CLIP2: variants seen among roughly 807,000 people sequenced by gnomAD.
The protein encoded by CLIP2 is CAP-Gly domain containing linker protein 2.
CLIP2 carries 41 observed loss-of-function variants against 111.7 expected under a neutral mutation model. The observed-to-expected ratio is 0.37, with a 90% CI of 0.29 to 0.48. The LOEUF (loss-of-function observed/expected upper bound fraction) is 0.48. Ranked by LOEUF, CLIP2 falls within the 20% of genes least tolerant of loss-of-function variation. CLIP2 has a pLI of 0.99. For synonymous variants in CLIP2, 660 were observed against 644.2 expected (o/e 1.02, Z -0.37); for missense variants, 1,160 against 1,422.1 (o/e 0.82, Z 2.96).
intron 16 of CLIP2, among the ~76,000 whole-genome samples, chr7:74,403,222 A>C (rs1791670231): frequency 6.6e-6 from 1 of 151,238 alleles, no homozygotes; most frequent in African/African-American, 2.4e-5. Flanking sequence ...CTCAAAAAAA[A>C]AAAAAAAAAA....
intron 1 of CLIP2, among the ~76,000 whole-genome samples, chr7:74,303,601 T>TA (rs1304353735): frequency 2.0e-5 from 3 of 150,852 alleles, no homozygotes; most frequent in Admixed American, 2.0e-4. Flanking sequence ...CTTATTTTTT[T>TA]TTTTTTTTTT....
intron 13 of CLIP2, among the ~76,000 whole-genome samples, chr7:74,391,336 A>G (rs1429851268): frequency 6.6e-6 from 1 of 152,198 alleles, no homozygotes; most frequent in African/African-American, 2.4e-5. Flanking sequence ...TATTCTGAAG[A>G]GAAGTAATGA....
intron 3 of CLIP2, among the ~76,000 whole-genome samples, chr7:74,344,050 T>G (rs1159947297): frequency 6.6e-6 from 1 of 152,170 alleles, no homozygotes; most frequent in Non-Finnish European, 1.5e-5. Context: ...GTGGAGGCTC[T>G]GGGGGTTACT....
At chr7:74,334,397 T>A (rs1789389313) in intron 2 of CLIP2, among the ~76,000 whole-genome samples, 1 of 149,636 alleles carries the variant, frequency 6.7e-6, no homozygotes, top group African/African-American at 2.5e-5. Flanking sequence ...GGGGAGGGAG[T>A]CGGGGAGAGA....
At chr7:74,388,256 C>A (rs1045917713) in intron 12 of CLIP2, among the ~76,000 whole-genome samples, 1 of 151,786 alleles carries the variant, frequency 6.6e-6, no homozygotes, top group Non-Finnish European at 1.5e-5. Context: ...CACTTGAACC[C>A]GGGAGGTAGA....
intron 8 of CLIP2, among the ~76,000 whole-genome samples, chr7:74,372,260 G>A (rs908050922): frequency 1.6e-4 from 25 of 152,214 alleles, no homozygotes; most frequent in African/African-American, 5.3e-4. Flanking sequence ...GGTCCGGTGG[G>A]GTGGGCAGCA....
chr7:74,377,775 C>A (rs901919503), intron 10 of CLIP2, among the ~76,000 whole-genome samples: 4 of 152,080 alleles, frequency 2.6e-5, no homozygotes, highest in Non-Finnish European at 4.4e-5. Context: ...CGGACTCTTG[C>A]CTGTATACAA....
chr7:74,376,867 G>A lies in CLIP2; in HGVS notation c.2421+45G>A. 6.8e-7 allele frequency: 1 copy of A among 1,481,342 alleles called. No homozygotes were observed. Among genetic ancestry groups the A allele is most frequent in the Non-Finnish European group, 9.0e-7 (1 of 1,113,362 alleles). 91.8% of individuals were successfully genotyped at this position (1,481,342 alleles called of 1,614,324 possible). A position where few individuals can be genotyped will look rare whatever the true frequency, so the allele number is the denominator to read the frequency against. ...GCTGGGGCGGGAGGGTCGGGCTGGG[G>A]AGGGCTTGGCCTTTTGCTGACCTCT... On this transcript the variant is annotated intron_variant, in intron 10 of 16. Coordinates refer to ENST00000223398, the MANE Select transcript of CLIP2 (RefSeq NM_003388.5). The surrounding 1 kb of genome is among the most constrained non-coding windows in gnomAD (Gnocchi z 7.1).
chr7:74,376,223 G>A lies in CLIP2; in HGVS notation c.1822G>A (p.Gly608Arg), dbSNP rs1790780210. Residue 608 changes from glycine to arginine, a missense_variant, in exon 10 of 17, where the codon GGG becomes AGG. Coordinates refer to ENST00000223398, the MANE Select transcript of CLIP2 (RefSeq NM_003388.5). The surrounding 1 kb of genome is among the most constrained non-coding windows in gnomAD (Gnocchi z 7.1). ...KVQQATSENM[G>R]LMDNWKSKLD... ...TCAGCAGGCCACCAGCGAGAACATG[G>A]GGCTAATGGACAACTGGAAATCCAA... is the stretch of plus-strand genomic sequence containing the variant. The A allele has an allele frequency of 6.2e-7, 1 of 1,612,750 alleles. No homozygotes were observed. The highest frequency in any genetic ancestry group is 1.7e-5 in the Admixed American group (1 of 59,772).
intron 2 of CLIP2, among the ~76,000 whole-genome samples, chr7:74,330,352 G>A (rs1315466899): frequency 5.3e-5 from 8 of 150,452 alleles, no homozygotes; most frequent in Admixed American, 2.0e-4. Flanking sequence ...CACCTCCTAA[G>A]TTCAAGCGAT....
intron 3 of CLIP2, among the ~76,000 whole-genome samples, chr7:74,342,563 T>C (rs1200092014): frequency 9.9e-5 from 15 of 152,086 alleles, no homozygotes; most frequent in Non-Finnish European, 1.5e-5. Flanking sequence ...TGTGACAGGT[T>C]CATGGGTTAA....
chr7:74,374,713 T>C (rs1790726782), intron 9 of CLIP2, among the ~76,000 whole-genome samples: 1 of 151,744 alleles, frequency 6.6e-6, no homozygotes, highest in Non-Finnish European at 1.5e-5. Context: ...AGAGTGAGAC[T>C]CCATCTCGAA....
intron 8 of CLIP2, among the ~76,000 whole-genome samples, chr7:74,370,656 G>A (rs1270794768): frequency 8.7e-6 from 1 of 115,130 alleles, no homozygotes; most frequent in Non-Finnish European, 1.7e-5. Context: ...CTGCCCCTAA[G>A]TTATCATACA....
chr7:74,345,231 T>G (rs1789770353), intron 3 of CLIP2, among the ~76,000 whole-genome samples: 1 of 152,150 alleles, frequency 6.6e-6, no homozygotes, highest in African/African-American at 2.4e-5. Flanking sequence ...GAAATTAACA[T>G]TTTATTTCTT....
intron 1 of CLIP2, among the ~76,000 whole-genome samples, chr7:74,308,705 A>C (rs1465604796): frequency 2.6e-5 from 4 of 151,928 alleles, no homozygotes; most frequent in African/African-American, 9.7e-5. Context: ...GGGTTTCACC[A>C]CGTTGGCCGG....
At position 74,338,903 on chromosome 7, in the gene CLIP2, A is replaced by T. The variant is rs1344208104; in HGVS notation, c.577A>T (p.Asn193Tyr). ...CATCCCCCTGCGGGAGAGCGTCCTC[A>T]ACAGCTCCGTGAAGACTGGCAACGA... ...RVIPLRESVL[N>Y]SSVKTGNESG... Residue 193 changes from asparagine (N) to tyrosine (Y), a missense_variant, in exon 3 of 17, where the codon AAC becomes TAC. Physicochemically the swap from Asn to Tyr is moderately radical, Grantham distance 143. Transcript: ENST00000223398. The surrounding 1 kb of genome is among the most constrained non-coding windows in gnomAD (Gnocchi z 4.3). 3.7e-6 allele frequency: 6 copies of T among 1,604,186 alleles called. No homozygotes were observed. The highest frequency in any genetic ancestry group is 5.1e-6 in the Non-Finnish European group (6 of 1,179,872).
intron 3 of CLIP2, among the ~76,000 whole-genome samples, chr7:74,342,531 G>T (rs1184575360): frequency 3.3e-5 from 5 of 152,214 alleles, no homozygotes; most frequent in Non-Finnish European, 5.9e-5. Context: ...AAGAGCTGAG[G>T]TAGCCATGGA....
chr7:74,348,820 C>G (rs1789888618), intron 3 of CLIP2, among the ~76,000 whole-genome samples: 1 of 147,414 alleles, frequency 6.8e-6, no homozygotes, highest in Admixed American at 6.8e-5. Context: ...ATGAGGGTAG[C>G]AAGAGAATTC....
intron 1 of CLIP2, among the ~76,000 whole-genome samples, chr7:74,310,036 C>CAAAAAAAAAAAAAAAAAAAAAAAAA (rs71094774): frequency 2.2e-5 from 2 of 92,512 alleles, no homozygotes; most frequent in African/African-American, 1.2e-4. Flanking sequence ...CCTGTCTCTA[C>CAAAAAAAAAAAAAAAAAAAAAAAAA]AAAAAAAAAA....
Sources: allele counts gnomAD v4.1 joint callset (sites outside exome capture counted in the v4.1 genomes callset), GRCh38; gene constraint gnomAD v4.1.1; non-coding constraint Gnocchi (gnomAD v3.1); transcripts MANE v1.5; gene names NCBI Gene and HGNC (gene_info 2026-07-23, HGNC 2026-07-21).